ABLIM1: variants seen among roughly 807,000 people sequenced by gnomAD.
ABLIM1 encodes the protein actin-binding LIM protein 1.
A neutral mutation model predicts 107.0 loss-of-function variants in ABLIM1; 40 were observed. That is an observed-to-expected ratio of 0.37 (90% CI 0.29 to 0.49). The LOEUF (loss-of-function observed/expected upper bound fraction) is 0.49, where lower values mean the gene tolerates loss of function less well. ABLIM1 is among the 20% of genes least tolerant of loss of function. The pLI is 0.97. For synonymous variants in ABLIM1, 357 were observed against 357.3 expected (o/e 1.00, Z 0.01); for missense variants, 857 against 1,008.5 (o/e 0.85, Z 2.04).
rs555851281 is a variant in ABLIM1, at chr10:114,487,915, G to A, written c.1041+43C>T. On this transcript the variant is annotated intron_variant, in intron 8 of 22. Coordinates refer to ENST00000533213, the MANE Select transcript of ABLIM1 (RefSeq NM_002313.7). ...AAGAATTAGTGACCACGAGCGTATGGCCTACAAATGCAGCTGGCATCATGT... is the reference window on the plus strand; with the variant it reads ...AAGAATTAGTGACCACGAGCGTATGACCTACAAATGCAGCTGGCATCATGT... 16 of 1,605,468 alleles carry A rather than the reference G, an allele frequency of 1.0e-5. No homozygotes were observed. The African/African-American group carries it at 1.3e-4, about 13-fold the overall frequency.
intron 9 of ABLIM1, 103 bp downstream of exon 9, chr10:114,473,776 G>T: frequency 1.2e-6 from 1 of 864,760 alleles, no homozygotes; most frequent in Non-Finnish European, 1.8e-6. Flanking sequence ...AACAAAAATA[G>T]AAATCACTTT....
At position 114,542,845 on chromosome 10, in the gene ABLIM1, A is replaced by G. The variant is rs149812925; in HGVS notation, c.894+2160T>C. Among the ~76,000 whole-genome samples the G allele has an allele frequency of 6.2e-3, 948 of 152,238 alleles. 10 individuals carry two copies. Among genetic ancestry groups the G allele is most frequent in the African/African-American group, 0.022 (895 of 41,548 alleles). On this transcript the variant is annotated intron_variant, in intron 6 of 22. Coordinates refer to ENST00000533213, the MANE Select transcript of ABLIM1 (RefSeq NM_002313.7). ...ATCACACTCTGAGCGCTGTGATGGGACCGCTCGGACTCCAAGCTCCCCATC... is the reference window on the plus strand; with the variant it reads ...ATCACACTCTGAGCGCTGTGATGGGGCCGCTCGGACTCCAAGCTCCCCATC...
At chr10:114,460,268 C>T (rs2063589166) in intron 12 of ABLIM1, among the ~76,000 whole-genome samples, 1 of 152,136 alleles carries the variant, frequency 6.6e-6, no homozygotes, top group African/African-American at 2.4e-5. Context: ...AGCCCATTTC[C>T]CAAGAATGCT....
chr10:114,544,626 C>G lies in ABLIM1; in HGVS notation c.894+379G>C, dbSNP rs546313789. Among the ~76,000 whole-genome samples the G allele has an allele frequency of 2.0e-5, 3 of 152,298 alleles. No homozygotes were observed. In the East Asian group the frequency reaches 5.8e-4, roughly 29 times the overall value. On this transcript the variant is annotated intron_variant, in intron 6 of 22. Transcript: ENST00000533213. ...AGCCTCTGCTCCCTGAATCTGCACA[C>G]GCCCACAGATGCATGCATAGACATA...
At chr10:114,570,268 C>T (rs1444185649) in intron 4 of ABLIM1, among the ~76,000 whole-genome samples, 3 of 152,190 alleles carry the variant, frequency 2.0e-5, no homozygotes, top group African/African-American at 7.2e-5. Context: ...TGTGTGTTAA[C>T]TGACCTACTC....
chr10:114,568,970 T>C (rs2071226342), intron 4 of ABLIM1, among the ~76,000 whole-genome samples: 2 of 152,182 alleles, frequency 1.3e-5, no homozygotes, highest in Admixed American at 1.3e-4. Flanking sequence ...CTAGGAAACA[T>C]GTTCCCAAAT....
the ABLIM1 span, among the ~76,000 whole-genome samples, chr10:114,789,964 T>C: frequency 6.6e-6 from 1 of 152,194 alleles, no homozygotes; most frequent in Non-Finnish European, 1.5e-5. Flanking sequence ...AGCTAATTTT[T>C]GTATTTTTAG....
chr10:114,672,556 A>G (rs1237553452), intron 1 of ABLIM1, among the ~76,000 whole-genome samples: 1 of 152,216 alleles, frequency 6.6e-6, no homozygotes, highest in Non-Finnish European at 1.5e-5. Context: ...TAATGTAACT[A>G]TCTTCTCCTA....
chr10:114,555,560 G>T (rs1352221488), intron 4 of ABLIM1, among the ~76,000 whole-genome samples: 1 of 152,150 alleles, frequency 6.6e-6, no homozygotes, highest in Admixed American at 6.5e-5. Flanking sequence ...AGAGCATGAG[G>T]TGTTCCTTCA....
chr10:114,627,929 C>G (rs989785823), intron 1 of ABLIM1, among the ~76,000 whole-genome samples: 1 of 152,120 alleles, frequency 6.6e-6, no homozygotes, highest in African/African-American at 2.4e-5. Context: ...TCGAGACCAG[C>G]CTGGCCAACA....
chr10:114,687,551 C>T (rs1386460057), upstream of ABLIM1, among the ~76,000 whole-genome samples: 1 of 152,192 alleles, frequency 6.6e-6, no homozygotes, highest in East Asian at 1.9e-4. Context: ...ACCCTGGTAA[C>T]ACAGATGCTG....
chr10:114,567,549 GAGCACTCC>G (rs2070936746), intron 4 of ABLIM1, among the ~76,000 whole-genome samples: 1 of 152,228 alleles, frequency 6.6e-6, no homozygotes, highest in Non-Finnish European at 1.5e-5. Context: ...GCACTGAACA[GAGCACTCC>G]AGTGGGAGCT....
At chr10:114,621,034 G>A (rs145790967) in intron 1 of ABLIM1, among the ~76,000 whole-genome samples, 1 of 152,280 alleles carries the variant, frequency 6.6e-6, no homozygotes, top group Non-Finnish European at 1.5e-5. Context: ...TATGTCCATT[G>A]CTGTATGATG....
intron 6 of ABLIM1, among the ~76,000 whole-genome samples, chr10:114,544,524 A>G (rs1055218428): frequency 6.6e-6 from 1 of 152,180 alleles, no homozygotes; most frequent in African/African-American, 2.4e-5. Context: ...TGGGTCACAC[A>G]GGATGTGGTT....
At chr10:114,476,781 A>G (rs2056504981) in intron 8 of ABLIM1, among the ~76,000 whole-genome samples, 1 of 152,130 alleles carries the variant, frequency 6.6e-6, no homozygotes, top group Non-Finnish European at 1.5e-5. Flanking sequence ...GAAAAAGCTG[A>G]ACCTGTATCC....
chr10:114,658,443 T>C, upstream of ABLIM1: 1 of 520,606 alleles, frequency 1.9e-6, no homozygotes, highest in East Asian at 3.6e-5. Flanking sequence ...GTCTCAGACA[T>C]GAATGCATAT....
intron 10 of ABLIM1, 23 bp from the exon 11 acceptor site, chr10:114,468,239 A>T (rs1044901129): frequency 1.3e-5 from 21 of 1,609,386 alleles, no homozygotes; most frequent in Admixed American, 8.3e-5. Flanking sequence ...AAGAGAATTT[A>T]AAGTCACAAT....
chr10:114,523,382 C>T (rs2136566982), intron 6 of ABLIM1, among the ~76,000 whole-genome samples: 2 of 152,258 alleles, frequency 1.3e-5, no homozygotes, highest in Middle Eastern at 3.4e-3. Flanking sequence ...TGACTCCCCA[C>T]AGGACACATA....
In ABLIM1 at chr10:114,432,884, G is replaced by A. The variant is rs537813400; in HGVS notation, c.*3376C>T. The A allele has an allele frequency of 6.6e-6, 1 of 152,280 alleles. No individual in the cohort carries two copies. The highest frequency in any genetic ancestry group is 2.1e-4 in the South Asian group (1 of 4,818). 9.4% of individuals were successfully genotyped at this position (152,280 alleles called of 1,614,324 possible). A position where few individuals can be genotyped will look rare whatever the true frequency, so the allele number is the denominator to read the frequency against. ...GAAGTTATTGAACACGTCATATTAA[G>A]AACATTTCATAACTAACCCCAAACC... On this transcript the variant is annotated 3_prime_UTR_variant, in exon 23 of 23. Transcript: ENST00000533213.
Sources: allele counts gnomAD v4.1 joint callset (sites outside exome capture counted in the v4.1 genomes callset), GRCh38; gene constraint gnomAD v4.1.1; transcripts MANE v1.5; gene names NCBI Gene and HGNC (gene_info 2026-07-23, HGNC 2026-07-21).